Variants in SBF2 observed in about 807,000 individuals in gnomAD.
The protein encoded by SBF2 is SET binding factor 2, also known as myotubularin-related protein 13.
A neutral mutation model predicts 225.2 loss-of-function variants in SBF2; 112 were observed. That is an observed-to-expected ratio of 0.50 (90% CI 0.43 to 0.58). SBF2 has a LOEUF of 0.58. Among genes scored for constraint, SBF2 ranks in the 20% least tolerant of loss-of-function variants. SBF2 has a pLI of 0.00. For missense variants in SBF2, 1,996 were observed against 2,206.2 expected (o/e 0.90, Z 1.91); for synonymous variants, 763 against 773.3 (o/e 0.99, Z 0.22).
At chr11:10,032,394 T>C (rs1393283278) in intron 3 of SBF2, among the ~76,000 whole-genome samples, 16 of 152,204 alleles carry the variant, frequency 1.1e-4, no homozygotes, top group Non-Finnish European at 2.4e-4. Context: ...TTTATTCTTC[T>C]TTAGCCCCAC....
chr11:9,927,504 G>A (rs1864146154), intron 16 of SBF2, among the ~76,000 whole-genome samples: 1 of 152,178 alleles, frequency 6.6e-6, no homozygotes, highest in South Asian at 2.1e-4. Context: ...GGAGGCTGAA[G>A]CAAGAGGATC....
intron 1 of SBF2, among the ~76,000 whole-genome samples, chr11:10,246,626 T>C (rs905266919): frequency 3.3e-5 from 5 of 152,204 alleles, no homozygotes; most frequent in East Asian, 1.9e-4. Context: ...CATATGTCAA[T>C]TGATATATGA....
intron 17 of SBF2, among the ~76,000 whole-genome samples, chr11:9,890,182 G>A (rs113664942): frequency 1.2e-4 from 19 of 152,266 alleles, no homozygotes; most frequent in East Asian, 7.7e-4. Flanking sequence ...TGGGATTACA[G>A]GCATGAACCA....
At chr11:10,129,782 T>C (rs1383224220) in intron 2 of SBF2, among the ~76,000 whole-genome samples, 1 of 151,804 alleles carries the variant, frequency 6.6e-6, no homozygotes, top group African/African-American at 2.4e-5. Flanking sequence ...AACAGGAGGG[T>C]TGCTTGAGGC....
intron 1 of SBF2, among the ~76,000 whole-genome samples, chr11:10,228,304 G>A (rs1435941807): frequency 1.3e-5 from 2 of 152,030 alleles, no homozygotes; most frequent in Admixed American, 6.6e-5. Context: ...CTAATTGAAT[G>A]CCCTTTATTT....
At chr11:9,994,997 A>T (rs1393017042) in intron 9 of SBF2, among the ~76,000 whole-genome samples, 1 of 151,348 alleles carries the variant, frequency 6.6e-6, no homozygotes, top group Non-Finnish European at 1.5e-5. Context: ...AGATCGCACC[A>T]CTGCACTCCA....
chr11:10,164,126 ACT>A (rs1955857868), intron 2 of SBF2, among the ~76,000 whole-genome samples: 1 of 152,018 alleles, frequency 6.6e-6, no homozygotes, highest in Non-Finnish European at 1.5e-5. Context: ...TCAATTAAAT[ACT>A]CCATTCCCAC....
intron 12 of SBF2, 87 bp downstream of exon 12, chr11:9,992,328 T>C (rs931481671): frequency 6.7e-6 from 7 of 1,048,834 alleles, no homozygotes; most frequent in African/African-American, 3.2e-5. Context: ...TATTTGACTA[T>C]ATAAATATGG....
chr11:10,108,594 G>A (rs1952678164), intron 2 of SBF2, among the ~76,000 whole-genome samples: 2 of 138,528 alleles, frequency 1.4e-5, no homozygotes, highest in South Asian at 2.2e-4. Context: ...GCGCGATCTC[G>A]GCTCACTGCA....
chr11:9,930,646 C>A (rs10840328), intron 16 of SBF2, among the ~76,000 whole-genome samples: 40,390 of 152,104 alleles, frequency 0.27, 6,474 homozygotes, highest in African/African-American at 0.46. Flanking sequence ...GATGGCTGAA[C>A]AGGAACAGCT....
chr11:10,274,921 A>G (rs1962841271), intron 1 of SBF2, among the ~76,000 whole-genome samples: 1 of 152,378 alleles, frequency 6.6e-6, no homozygotes, highest in Non-Finnish European at 1.5e-5. Flanking sequence ...AAAACAGTTT[A>G]GCACAGGCAC....
At chr11:10,295,098 T>G (rs1445301139), upstream of SBF2, among the ~76,000 whole-genome samples, 5 of 152,248 alleles carry the variant, frequency 3.3e-5, no homozygotes, top group South Asian at 2.1e-4. Context: ...TGTTAATATC[T>G]CACGAAGTTT....
intron 2 of SBF2, among the ~76,000 whole-genome samples, chr11:10,055,452 C>T (rs529232763): frequency 6.6e-6 from 1 of 150,794 alleles, no homozygotes; most frequent in East Asian, 2.0e-4. Flanking sequence ...TTTATCACAG[C>T]ACAATTCACA....
intron 16 of SBF2, among the ~76,000 whole-genome samples, chr11:9,938,247 A>C (rs528575006): frequency 8.6e-4 from 130 of 151,986 alleles, no homozygotes; most frequent in African/African-American, 2.9e-3. Flanking sequence ...GCTGAGATCC[A>C]GCCACTGCAC....
rs79793595 is a variant in SBF2 at position 9,890,946 on chromosome 11, C to T, written c.1929+4997G>A. ...GTCAGGAGTTCAAGACCAGCCTGGC[C>T]AACGTGGTGAATCCCCATCTCTACG... On this transcript the variant is annotated intron_variant, in intron 17 of 39. Coordinates refer to ENST00000256190, the MANE Select transcript of SBF2 (RefSeq NM_030962.4). Among the ~76,000 whole-genome samples, 1,327 of 152,134 alleles carry T rather than the reference C, an allele frequency of 8.7e-3. 21 individuals are homozygous for T. Among genetic ancestry groups the T allele is most frequent in the African/African-American group, 0.03 (1,237 of 41,504 alleles).
At chr11:10,214,418 T>C (rs1011840563) in intron 1 of SBF2, among the ~76,000 whole-genome samples, 4 of 152,132 alleles carry the variant, frequency 2.6e-5, no homozygotes, top group Non-Finnish European at 5.9e-5. Context: ...GGTCAGGAGA[T>C]CCAGACCATC....
chr11:9,805,910 C>T (rs563179930), intron 32 of SBF2, among the ~76,000 whole-genome samples: 67 of 152,294 alleles, frequency 4.4e-4, no homozygotes, highest in African/African-American at 4.8e-4. Context: ...CGTGAGCCAC[C>T]ACGCCCGACC....
chr11:9,841,487 T>C (rs1856136494), intron 25 of SBF2, among the ~76,000 whole-genome samples: 1 of 152,006 alleles, frequency 6.6e-6, no homozygotes, highest in Non-Finnish European at 1.5e-5. Context: ...TGTATGTACA[T>C]GTTCTCACCC....
chr11:9,832,517 T>C (rs2133937563), intron 26 of SBF2, 97 bp from the exon 27 acceptor site: 9 of 842,968 alleles, frequency 1.1e-5, no homozygotes, highest in Non-Finnish European at 1.8e-5. Context: ...ACAGAGAATA[T>C]AAGAAATTGA....
Sources: gnomAD v4.1 joint callset for allele counts (sites outside exome capture counted in the v4.1 genomes callset) on GRCh38, gnomAD v4.1.1 for gene constraint, MANE v1.5 for transcripts, NCBI Gene and HGNC (gene_info 2026-07-23, HGNC 2026-07-21) for gene names.